The following EPHA5 variants were observed in gnomAD, a reference collection of about 807,000 sequenced individuals.
The protein encoded by EPHA5 is ephrin type-A receptor 5.
In EPHA5, 60 loss-of-function variants were observed where a neutral mutation model predicts 105.0. The ratio of observed to expected loss-of-function variants is 0.57; its 90% confidence interval spans 0.46 to 0.71. The LOEUF is 0.71. Among genes scored for constraint, EPHA5 ranks in the 30% least tolerant of loss-of-function variants. The probability of loss-of-function intolerance (pLI) is 0.00; values close to 1 mark genes in which losing one functional copy is unlikely to be tolerated. For missense variants in EPHA5, 1,218 were observed against 1,274.7 expected (o/e 0.96, Z 0.68); for synonymous variants, 513 against 449.1 (o/e 1.14, Z -1.80).
At chr4:65,344,359 C>G (rs1560432326) in intron 14 of EPHA5, among the ~76,000 whole-genome samples, 1 of 152,060 alleles carries the variant, frequency 6.6e-6, no homozygotes, top group East Asian at 1.9e-4. Context: ...ATAAGAAAGC[C>G]TAGTCAAGAT....
intron 5 of EPHA5, among the ~76,000 whole-genome samples, chr4:65,432,536 C>A (rs1725076563): frequency 6.6e-6 from 1 of 151,878 alleles, no homozygotes; most frequent in South Asian, 2.1e-4. Flanking sequence ...TTTCGTTGTT[C>A]TGTTTTGTTT....
intron 8 of EPHA5, among the ~76,000 whole-genome samples, chr4:65,394,820 T>A (rs765096311): frequency 6.6e-5 from 10 of 152,118 alleles, no homozygotes; most frequent in Non-Finnish European, 1.2e-4. Context: ...TAGGAAATGC[T>A]ATGTAATTAA....
chr4:65,656,965 T>TC (rs76842495), intron 1 of EPHA5, among the ~76,000 whole-genome samples: 275 of 150,648 alleles, frequency 1.8e-3, no homozygotes, highest in Admixed American at 5.6e-3. Context: ...TTTTTTTTTT[T>TC]CTGGAGAAAT....
At chr4:65,447,017 TG>T (rs1328691275) in intron 5 of EPHA5, among the ~76,000 whole-genome samples, 3 of 147,686 alleles carry the variant, frequency 2.0e-5, no homozygotes, top group Non-Finnish European at 3.0e-5. Flanking sequence ...GACAGGGTCT[TG>T]TTCTGTCACT....
intron 3 of EPHA5, among the ~76,000 whole-genome samples, chr4:65,532,993 A>G (rs13131318): frequency 0.24 from 36,211 of 151,946 alleles, 4,421 homozygotes; most frequent in Admixed American, 0.28. Flanking sequence ...TAAACTCAAA[A>G]CAAAACAGTG....
chr4:65,529,526 A>T (rs548959143), intron 3 of EPHA5, among the ~76,000 whole-genome samples: 1 of 152,140 alleles, frequency 6.6e-6, no homozygotes, highest in Admixed American at 6.5e-5. Flanking sequence ...ACAACAAAAA[A>T]AGAAAGACCA....
At chr4:65,464,900 T>C (rs1435609434) in intron 5 of EPHA5, among the ~76,000 whole-genome samples, 1 of 152,100 alleles carries the variant, frequency 6.6e-6, no homozygotes, top group Admixed American at 6.6e-5. Flanking sequence ...AAATACCTAT[T>C]ATATGTTAAA....
chr4:65,456,699 G>GA (rs1339922203), intron 5 of EPHA5, among the ~76,000 whole-genome samples: 1 of 143,584 alleles, frequency 7.0e-6, no homozygotes, highest in Non-Finnish European at 1.5e-5. Flanking sequence ...GTTGTAAGTG[G>GA]AAAAATCATA....
chr4:65,392,093 A>G (rs1247187110), intron 8 of EPHA5, among the ~76,000 whole-genome samples: 1 of 152,102 alleles, frequency 6.6e-6, no homozygotes, highest in Non-Finnish European at 1.5e-5. Context: ...CACAGTGGGC[A>G]ATTAGTTGTT....
intron 5 of EPHA5, among the ~76,000 whole-genome samples, chr4:65,448,779 G>T (rs1421400521): frequency 6.6e-6 from 1 of 152,090 alleles, no homozygotes; most frequent in East Asian, 1.9e-4. Context: ...TATTACAGAG[G>T]TGTCATTACT....
At chr4:65,359,044 G>T (rs1315534405) in intron 11 of EPHA5, among the ~76,000 whole-genome samples, 1 of 151,478 alleles carries the variant, frequency 6.6e-6, no homozygotes, top group Non-Finnish European at 1.5e-5. Flanking sequence ...CTGACAACTT[G>T]GTTGTATTAA....
At chr4:65,506,781 C>T (rs367841885) in intron 3 of EPHA5, among the ~76,000 whole-genome samples, 14 of 151,572 alleles carry the variant, frequency 9.2e-5, no homozygotes, top group East Asian at 7.8e-4. Flanking sequence ...AGCCCTTTGT[C>T]AGATGAGTAG....
At chr4:65,654,754 C>T (rs540498382) in intron 1 of EPHA5, among the ~76,000 whole-genome samples, 2 of 146,114 alleles carry the variant, frequency 1.4e-5, no homozygotes, top group East Asian at 4.0e-4. Flanking sequence ...AGTTATCTAT[C>T]TAAATTATAA....
At chr4:65,502,783 A>T (rs1250516182) in intron 3 of EPHA5, among the ~76,000 whole-genome samples, 1 of 151,864 alleles carries the variant, frequency 6.6e-6, no homozygotes, top group Non-Finnish European at 1.5e-5. Flanking sequence ...TGACAAAAAG[A>T]TATATGTGTT....
chr4:65,658,287 G>C (rs1232418881), intron 1 of EPHA5, among the ~76,000 whole-genome samples: 3 of 152,058 alleles, frequency 2.0e-5, no homozygotes, highest in Non-Finnish European at 4.4e-5. Flanking sequence ...CAGGGAAGGG[G>C]AACAGGCAGG....
intron 7 of EPHA5, among the ~76,000 whole-genome samples, chr4:65,408,313 T>C (rs1053155236): frequency 1.3e-5 from 2 of 152,136 alleles, no homozygotes; most frequent in African/African-American, 4.8e-5. Flanking sequence ...GATATATACC[T>C]TTAGTTATGC....
intron 3 of EPHA5, among the ~76,000 whole-genome samples, chr4:65,502,425 C>T (rs1348704275): frequency 6.6e-6 from 1 of 150,682 alleles, no homozygotes; most frequent in Non-Finnish European, 1.5e-5. Flanking sequence ...AATATATAGC[C>T]CCATTAAAAA....
intron 5 of EPHA5, among the ~76,000 whole-genome samples, chr4:65,429,731 A>G (rs1013520059): frequency 4.6e-5 from 7 of 152,074 alleles, no homozygotes; most frequent in Admixed American, 4.6e-4. Context: ...TTGAATTTCT[A>G]TTATACTATT....
intron 3 of EPHA5, among the ~76,000 whole-genome samples, chr4:65,531,364 T>C (rs527321106): frequency 9.2e-5 from 14 of 152,292 alleles, no homozygotes; most frequent in Non-Finnish European, 1.8e-4. Flanking sequence ...CCTTTCCTCC[T>C]TCCTCCCTGG....
Sources: allele counts gnomAD v4.1 joint callset (sites outside exome capture counted in the v4.1 genomes callset), GRCh38; gene constraint gnomAD v4.1.1; transcripts MANE v1.5; gene names NCBI Gene and HGNC (gene_info 2026-07-23, HGNC 2026-07-21).